The following NSUN4 variants were observed in gnomAD, a reference collection of about 807,000 sequenced individuals.
NSUN4 encodes the protein NOP2/Sun RNA methyltransferase 4.
NSUN4 carries 31 observed loss-of-function variants against 43.8 expected under a neutral mutation model. The ratio of observed to expected loss-of-function variants is 0.71; its 90% CI spans 0.53 to 0.96. The LOEUF (loss-of-function observed/expected upper bound fraction) is 0.96. NSUN4 is among the 40% of genes least tolerant of loss of function. NSUN4 has a pLI of 0.00. For synonymous variants in NSUN4, 167 were observed against 184.1 expected, an observed-to-expected ratio of 0.91 and a Z score of 0.75; for missense variants, 439 against 475.6, an observed-to-expected ratio of 0.92 and a Z score of 0.72.
intron 2 of NSUN4, 70 bp downstream of exon 2, chr1:46,345,214 T>C: frequency 8.6e-7 from 1 of 1,167,862 alleles, no homozygotes; most frequent in Non-Finnish European, 1.2e-6. Flanking sequence ...AGACCCAGCT[T>C]CTACCCTCTG....
chr1:46,372,938 C>T, the NSUN4 span, among the ~76,000 whole-genome samples: 8 of 152,132 alleles, frequency 5.3e-5, no homozygotes, highest in Non-Finnish European at 7.3e-5. Context: ...CCAGGTTGGT[C>T]TCGAACTCCT....
At chr1:46,358,248 A>G (rs1470878862) in intron 4 of NSUN4, among the ~76,000 whole-genome samples, 2 of 151,792 alleles carry the variant, frequency 1.3e-5, no homozygotes, top group South Asian at 2.1e-4. Flanking sequence ...GGTGCCCACC[A>G]CTGTGCCCGG....
intron 4 of NSUN4, among the ~76,000 whole-genome samples, chr1:46,355,875 G>A (rs55703944): frequency 6.6e-6 from 1 of 152,058 alleles, no homozygotes; most frequent in Non-Finnish European, 1.5e-5. Flanking sequence ...TTAGCCGGGT[G>A]TGGTGGCAGG....
At chr1:46,342,719 T>G (rs2148358894) in intron 1 of NSUN4, 1 of 399,070 alleles carries the variant, frequency 2.5e-6, no homozygotes, top group Admixed American at 4.4e-5. Flanking sequence ...GAAGCTATAA[T>G]GAACCCCCTC....
At chr1:46,374,813 A>G in the NSUN4 span, among the ~76,000 whole-genome samples, 79 of 152,024 alleles carry the variant, frequency 5.2e-4, no homozygotes, top group Non-Finnish European at 8.5e-4. Context: ...ATATGAGTAT[A>G]AGCTATAGTG....
chr1:46,345,600 T>C (rs1313250329), intron 2 of NSUN4, among the ~76,000 whole-genome samples: 2 of 152,182 alleles, frequency 1.3e-5, no homozygotes, highest in African/African-American at 4.8e-5. Context: ...TCAAAGTGAA[T>C]AGGAAAAGTA....
At chr1:46,348,700 ACT>A (rs1412955394) in intron 3 of NSUN4, among the ~76,000 whole-genome samples, 2 of 117,200 alleles carry the variant, frequency 1.7e-5, no homozygotes, top group African/African-American at 3.3e-5. Flanking sequence ...CAAGAGCAAA[ACT>A]CTGTCTCAAA....
At position 46,361,687 on chromosome 1, in the gene NSUN4, C is replaced by T. The variant is rs1200168983; in HGVS notation, c.996C>T (p.Tyr332=). 6.2e-7 allele frequency: 1 copy of T among 1,614,200 alleles called. No individual in the cohort carries two copies. The highest frequency in any genetic ancestry group is 1.1e-5 in the South Asian group (1 of 91,086). The change falls in exon 6 of 6, where the codon TAC becomes TAT. Residue 332 remains tyrosine, a synonymous_variant. Coordinates refer to ENST00000474844, the MANE Select transcript of NSUN4 (RefSeq NM_199044.4). ...QGAIELLANQ[Y]SIQVQVEDLT... ...CCATTGAGCTCCTGGCCAATCAATA[C>T]AGCATCCAGGTACAGGTGGAAGATC...
At chr1:46,373,923 T>C in the NSUN4 span, among the ~76,000 whole-genome samples, 9,200 of 150,190 alleles carry the variant, frequency 0.061, 409 homozygotes, top group Non-Finnish European at 0.092. Context: ...GGGTAAGGCG[T>C]TGGGGGATGG....
Position 46,354,493 on chromosome 1 carries a change from A to T in NSUN4, c.753+1465A>T, listed in dbSNP as rs954410011. ...ACATATTTCTAAAAATATATAAAAT[A>T]TATAGCTGTTGTCTCTGTGTTGTCA... On this transcript the variant is annotated intron_variant, in intron 4 of 5. Coordinates refer to ENST00000474844, the MANE Select transcript of NSUN4 (RefSeq NM_199044.4). Among the ~76,000 whole-genome samples, 7 of 152,300 alleles carry T rather than the reference A, an allele frequency of 4.6e-5. No individual in the cohort carries two copies. The East Asian group carries it at 1.3e-3, about 29-fold the overall frequency.
At chr1:46,350,029 G>T (rs1662864939) in intron 3 of NSUN4, among the ~76,000 whole-genome samples, 1 of 152,238 alleles carries the variant, frequency 6.6e-6, no homozygotes, top group Non-Finnish European at 1.5e-5. Context: ...CACAGAATTT[G>T]TATAAGAAGG....
At chr1:46,355,305 A>G (rs1252162899) in intron 4 of NSUN4, among the ~76,000 whole-genome samples, 2 of 152,128 alleles carry the variant, frequency 1.3e-5, no homozygotes, top group African/African-American at 4.8e-5. Context: ...AACACTTACA[A>G]TGTTAGGAAG....
intron 1 of NSUN4, chr1:46,341,796 C>G (rs373483745): frequency 4.8e-5 from 59 of 1,232,506 alleles, no homozygotes; most frequent in Admixed American, 8.4e-5. Context: ...GGGGTCACCC[C>G]CTCTCTGTCA....
intron 5 of NSUN4, among the ~76,000 whole-genome samples, chr1:46,361,246 C>T (rs1663846857): frequency 1.3e-5 from 2 of 152,092 alleles, no homozygotes; most frequent in Non-Finnish European, 2.9e-5. Flanking sequence ...TCCTCAGTAC[C>T]AGTGAGTAGC....
At chr1:46,368,130 G>C (rs1557748390), downstream of NSUN4, among the ~76,000 whole-genome samples, 1 of 151,974 alleles carries the variant, frequency 6.6e-6, no homozygotes, top group Admixed American at 6.6e-5. Context: ...TCCTACCTTA[G>C]GTAGGGCCTT....
downstream of NSUN4, among the ~76,000 whole-genome samples, chr1:46,367,573 A>G (rs1235711924): frequency 6.6e-6 from 1 of 152,188 alleles, no homozygotes; most frequent in Non-Finnish European, 1.5e-5. Context: ...AAGCCAGGAA[A>G]GAATTCAAGG....
chr1:46,348,035 G>A (rs941718056), intron 3 of NSUN4, among the ~76,000 whole-genome samples: 1 of 151,792 alleles, frequency 6.6e-6, no homozygotes, highest in South Asian at 2.1e-4. Context: ...CCACCACCAC[G>A]CCCAGCTAAT....
chr1:46,369,831 C>T (rs1318097554), downstream of NSUN4, among the ~76,000 whole-genome samples: 1 of 152,196 alleles, frequency 6.6e-6, no homozygotes, highest in Non-Finnish European at 1.5e-5. Context: ...ATAGGTATTC[C>T]ATCCTGAGTA....
At chr1:46,346,870 G>A in intron 2 of NSUN4, 51 bp from the exon 3 acceptor site, 3 of 1,540,402 alleles carry the variant, frequency 1.9e-6, no homozygotes, top group South Asian at 2.4e-5. Flanking sequence ...TAGACTCCCA[G>A]TGGGTGTCCT....
Sources: allele counts gnomAD v4.1 joint callset (sites outside exome capture counted in the v4.1 genomes callset), GRCh38; gene constraint gnomAD v4.1.1; transcripts MANE v1.5; gene names NCBI Gene and HGNC (gene_info 2026-07-23, HGNC 2026-07-21).